The following GABRB1 variants were observed in gnomAD, a reference collection of about 807,000 sequenced individuals.
GABRB1 encodes the protein gamma-aminobutyric acid type A receptor subunit beta1.
GABRB1 carries 17 observed loss-of-function variants against 51.6 expected under a neutral mutation model. That is an observed-to-expected ratio of 0.33 (90% CI 0.23 to 0.49). The LOEUF is 0.49. Ranked by LOEUF, GABRB1 falls within the 20% of genes least tolerant of loss-of-function variation. GABRB1 has a pLI of 0.99. For missense variants in GABRB1, 410 were observed against 600.6 expected (o/e 0.68, Z 3.32); for synonymous variants, 247 against 218.9 (o/e 1.13, Z -1.14).
intron 1 of GABRB1, among the ~76,000 whole-genome samples, chr4:47,014,714 G>T (rs1724694042): frequency 6.6e-6 from 1 of 152,112 alleles, no homozygotes; most frequent in Non-Finnish European, 1.5e-5. Flanking sequence ...TATTAATTCA[G>T]AAGTTAAGTA....
At chr4:47,164,016 G>T (rs566884114) in intron 4 of GABRB1, among the ~76,000 whole-genome samples, 3 of 152,082 alleles carry the variant, frequency 2.0e-5, no homozygotes, top group African/African-American at 7.2e-5. Context: ...TGTCTTACAT[G>T]GTGGCAGGTG....
intron 3 of GABRB1, among the ~76,000 whole-genome samples, chr4:47,034,792 G>A (rs1263534607): frequency 6.6e-6 from 1 of 152,028 alleles, no homozygotes; most frequent in African/African-American, 2.4e-5. Context: ...CAACTCAGAT[G>A]GTTAGCCCGC....
intron 3 of GABRB1, among the ~76,000 whole-genome samples, chr4:47,111,672 T>G (rs1376885696): frequency 2.6e-5 from 4 of 151,976 alleles, no homozygotes; most frequent in Non-Finnish European, 4.4e-5. Context: ...GAGACCAGCC[T>G]GGGAAACATG....
chr4:47,238,708 AAGTTTTGG>A (rs763891613), intron 4 of GABRB1, among the ~76,000 whole-genome samples: 7 of 152,190 alleles, frequency 4.6e-5, no homozygotes, highest in Non-Finnish European at 8.8e-5. Flanking sequence ...AAGTGTCGAA[AAGTTTTGG>A]AATACTTAAG....
chr4:47,244,758 G>A (rs994165552), intron 4 of GABRB1, among the ~76,000 whole-genome samples: 15 of 152,118 alleles, frequency 9.9e-5, no homozygotes, highest in African/African-American at 3.1e-4. Flanking sequence ...GGTAAATGAC[G>A]AAATGAAGGC....
intron 4 of GABRB1, among the ~76,000 whole-genome samples, chr4:47,288,324 G>A (rs947562295): frequency 6.6e-5 from 10 of 151,714 alleles, no homozygotes; most frequent in Non-Finnish European, 1.2e-4. Context: ...GTGCAGTGGC[G>A]CGATCTCGGC....
At chr4:47,006,132 C>A (rs1039083457) in intron 1 of GABRB1, among the ~76,000 whole-genome samples, 1 of 151,560 alleles carries the variant, frequency 6.6e-6, no homozygotes, top group Non-Finnish European at 1.5e-5. Flanking sequence ...AGATCATTTC[C>A]GACAGAATTA....
chr4:47,125,559 C>CTTTTTTTTTT (rs71195605), intron 3 of GABRB1, among the ~76,000 whole-genome samples: 1,226 of 80,618 alleles, frequency 0.015, 228 homozygotes, highest in African/African-American at 0.044. Flanking sequence ...AGTATAATTT[C>CTTTTTTTTTT]TTTTTTTTTT....
chr4:47,005,610 C>T (rs1056369671), intron 1 of GABRB1, among the ~76,000 whole-genome samples: 1 of 150,280 alleles, frequency 6.7e-6, no homozygotes, highest in Non-Finnish European at 1.5e-5. Flanking sequence ...TAAAAACCAT[C>T]GGCAGTCTCT....
At chr4:47,271,104 G>A (rs1004639036) in intron 4 of GABRB1, among the ~76,000 whole-genome samples, 3 of 151,964 alleles carry the variant, frequency 2.0e-5, no homozygotes, top group South Asian at 2.1e-4. Flanking sequence ...ATCAACACAC[G>A]TTCATGATAA....
At chr4:47,287,133 AAGAG>A (rs74871816) in intron 4 of GABRB1, among the ~76,000 whole-genome samples, 1 of 151,090 alleles carries the variant, frequency 6.6e-6, no homozygotes, top group Admixed American at 6.6e-5. Context: ...AGGTGAGAGA[AAGAG>A]AGAGAGAGAG....
chr4:47,245,309 C>G (rs549905342), intron 4 of GABRB1, among the ~76,000 whole-genome samples: 1 of 152,202 alleles, frequency 6.6e-6, no homozygotes, highest in East Asian at 1.9e-4. Context: ...TATCAAGTGA[C>G]CAATATTAAT....
chr4:47,212,345 G>A (rs879898858), intron 4 of GABRB1, among the ~76,000 whole-genome samples: 7 of 152,164 alleles, frequency 4.6e-5, no homozygotes, highest in Admixed American at 4.6e-4. Context: ...GAGCAAGGGA[G>A]GAGAATGGTA....
intron 1 of GABRB1, among the ~76,000 whole-genome samples, chr4:47,025,557 G>A (rs754526860): frequency 1.3e-5 from 2 of 151,698 alleles, no homozygotes; most frequent in African/African-American, 2.4e-5. Flanking sequence ...CTGTCACTAT[G>A]TCATATTCTC....
intron 4 of GABRB1, among the ~76,000 whole-genome samples, chr4:47,188,665 GA>G: frequency 6.6e-6 from 1 of 152,000 alleles, no homozygotes; most frequent in South Asian, 2.1e-4. Context: ...GAGTCTAAAA[GA>G]GGCTATGAAG....
intron 4 of GABRB1, among the ~76,000 whole-genome samples, chr4:47,201,779 GA>G (rs1408153814): frequency 1.3e-5 from 2 of 152,106 alleles, no homozygotes; most frequent in Non-Finnish European, 2.9e-5. Context: ...ATAGATCGAA[GA>G]GGAAAAATGT....
intron 1 of GABRB1, among the ~76,000 whole-genome samples, chr4:47,015,602 T>C (rs1560496776): frequency 6.6e-6 from 1 of 152,176 alleles, no homozygotes; most frequent in South Asian, 2.1e-4. Flanking sequence ...AAGGCTTCCT[T>C]TACTGAGATG....
chr4:47,065,225 G>A (rs1165710938), intron 3 of GABRB1, among the ~76,000 whole-genome samples: 1 of 152,210 alleles, frequency 6.6e-6, no homozygotes, highest in African/African-American at 2.4e-5. Context: ...ACACACCAGT[G>A]TGCAATGCTG....
chr4:47,033,173 A>G (rs1303917201), intron 3 of GABRB1, among the ~76,000 whole-genome samples: 18 of 152,222 alleles, frequency 1.2e-4, no homozygotes, highest in Admixed American at 1.1e-3. Flanking sequence ...ACCTTACTCT[A>G]GAAACCTAAG....
Sources: gnomAD v4.1 joint callset for allele counts (sites outside exome capture counted in the v4.1 genomes callset) on GRCh38, gnomAD v4.1.1 for gene constraint, MANE v1.5 for transcripts, NCBI Gene and HGNC (gene_info 2026-07-23, HGNC 2026-07-21) for gene names.